Variants in PTBP2 observed in about 807,000 individuals in gnomAD.
PTBP2 encodes polypyrimidine tract binding protein 2, also known as polypyrimidine tract-binding protein 2.
PTBP2 carries 13 observed loss-of-function variants against 61.4 expected under a neutral mutation model. The observed-to-expected ratio is 0.21, with a 90% CI of 0.14 to 0.34. PTBP2 has a LOEUF of 0.34. Among genes scored for constraint, PTBP2 ranks in the 10% least tolerant of loss-of-function variants. The pLI is 1.00. For missense variants in PTBP2, 405 were observed against 642.6 expected, an observed-to-expected ratio of 0.63 and a Z score of 4.00; for synonymous variants, 215 against 218.5, an observed-to-expected ratio of 0.98 and a Z score of 0.14.
At chr1:96,733,187 G>C (rs1013865491) in intron 2 of PTBP2, among the ~76,000 whole-genome samples, 1 of 151,070 alleles carries the variant, frequency 6.6e-6, no homozygotes, top group Non-Finnish European at 1.5e-5. Context: ...GACATAACTC[G>C]GCTGTTAGCT....
chr1:96,770,986 T>C (rs1657311205), intron 5 of PTBP2, 135 bp downstream of exon 5: 1 of 709,710 alleles, frequency 1.4e-6, no homozygotes, highest in Non-Finnish European at 2.3e-6. Context: ...GGTATTTTCA[T>C]GCAGAATGTT....
intron 5 of PTBP2, chr1:96,771,497 CAT>C (rs1657376105): frequency 6.6e-6 from 1 of 151,868 alleles, no homozygotes; most frequent in African/African-American, 2.4e-5. Flanking sequence ...AACTGTTCCT[CAT>C]AGATTTTTGT....
chr1:96,784,396 G>A (rs12083632), intron 7 of PTBP2, among the ~76,000 whole-genome samples: 1 of 151,976 alleles, frequency 6.6e-6, no homozygotes, highest in Non-Finnish European at 1.5e-5. Context: ...TAAGATGACC[G>A]AAAAGAGTCT....
intron 8 of PTBP2, among the ~76,000 whole-genome samples, chr1:96,792,224 A>T (rs1659925775): frequency 6.6e-6 from 1 of 152,212 alleles, no homozygotes; most frequent in Non-Finnish European, 1.5e-5. Flanking sequence ...CCTAGGAGCC[A>T]AAAGTTTGAT....
At chr1:96,764,339 C>A (rs1395203100) in intron 3 of PTBP2, among the ~76,000 whole-genome samples, 2 of 152,160 alleles carry the variant, frequency 1.3e-5, no homozygotes, top group African/African-American at 4.8e-5. Context: ...TACAACTGTT[C>A]CTAAGTAGCA....
At chr1:96,808,640 A>G (rs181140183) in intron 11 of PTBP2, among the ~76,000 whole-genome samples, 180 of 152,284 alleles carry the variant, frequency 1.2e-3, no homozygotes, top group African/African-American at 4.1e-3. Flanking sequence ...TTTATAAGAT[A>G]TTGTCACTAA....
intron 1 of PTBP2, among the ~76,000 whole-genome samples, chr1:96,723,234 A>G (rs1286145489): frequency 6.6e-6 from 1 of 152,194 alleles, no homozygotes; most frequent in Non-Finnish European, 1.5e-5. Context: ...TCCTGTGGAG[A>G]CTACTAAAGA....
intron 1 of PTBP2, 59 bp downstream of exon 1, chr1:96,721,931 C>T: frequency 6.4e-6 from 10 of 1,554,560 alleles, no homozygotes; most frequent in Non-Finnish European, 8.7e-6. Flanking sequence ...CGTCCTTCGG[C>T]CCGGTCCCGG....
chr1:96,799,133 G>C (rs1027407609), intron 8 of PTBP2, among the ~76,000 whole-genome samples: 1 of 152,094 alleles, frequency 6.6e-6, no homozygotes, highest in Non-Finnish European at 1.5e-5. Context: ...GAGAATTTTA[G>C]GAGATTACTG....
At chr1:96,788,372 T>A (rs1038920061) in intron 8 of PTBP2, among the ~76,000 whole-genome samples, 2 of 152,144 alleles carry the variant, frequency 1.3e-5, no homozygotes, top group Non-Finnish European at 2.9e-5. Flanking sequence ...TTGTAGGACA[T>A]GAAGACACAA....
At chr1:96,763,071 C>A (rs1447113920) in intron 3 of PTBP2, among the ~76,000 whole-genome samples, 3 of 151,296 alleles carry the variant, frequency 2.0e-5, no homozygotes, top group Admixed American at 2.0e-4. Context: ...GGCGGCCGGG[C>A]AGAGACCTCC....
intron 2 of PTBP2, among the ~76,000 whole-genome samples, chr1:96,749,102 CTT>C (rs1231834427): frequency 6.6e-6 from 1 of 151,788 alleles, no homozygotes; most frequent in Non-Finnish European, 1.5e-5. Flanking sequence ...TAAATACAAA[CTT>C]AAAAAAAAAT....
At chr1:96,786,782 A>G (rs556355975) in intron 8 of PTBP2, among the ~76,000 whole-genome samples, 3 of 152,298 alleles carry the variant, frequency 2.0e-5, no homozygotes, top group African/African-American at 7.2e-5. Context: ...TAAAATACCA[A>G]GAAACTCCAG....
rs1039548264 is a variant in PTBP2, at chr1:96,797,204, T to TA, written c.905-7594dup. Among the ~76,000 whole-genome samples the TA allele has an allele frequency of 1.3e-4, 20 of 152,164 alleles. 1 individual carries two copies. Among genetic ancestry groups the TA allele is most frequent in the African/African-American group, 4.6e-4 (19 of 41,438 alleles). On this transcript the variant is annotated intron_variant, in intron 8 of 13. Transcript: ENST00000674951. ...TGGTGGTGGAACAGCAGTTTGAAAG[T>TA]AACATTGTGCGGTGAGGTAGAGTGG... is the stretch of plus-strand genomic sequence containing the variant.
intron 8 of PTBP2, among the ~76,000 whole-genome samples, chr1:96,803,006 G>A (rs1039045501): frequency 6.6e-5 from 10 of 152,146 alleles, no homozygotes; most frequent in African/African-American, 2.4e-4. Flanking sequence ...GTTTGCCTAG[G>A]AATTAGGAAT....
chr1:96,736,162 T>A (rs1489400305), intron 2 of PTBP2, among the ~76,000 whole-genome samples: 1 of 152,190 alleles, frequency 6.6e-6, no homozygotes, highest in Non-Finnish European at 1.5e-5. Flanking sequence ...CACGTCATTC[T>A]GCCTCCAAAA....
At chr1:96,736,725 C>T (rs1652243673) in intron 2 of PTBP2, among the ~76,000 whole-genome samples, 1 of 152,270 alleles carries the variant, frequency 6.6e-6, no homozygotes, top group East Asian at 1.9e-4. Flanking sequence ...GCTCTGTCCA[C>T]CAGGCTGGAG....
intron 2 of PTBP2, among the ~76,000 whole-genome samples, chr1:96,745,232 G>A (rs796300997): frequency 6.6e-6 from 1 of 151,162 alleles, no homozygotes; most frequent in East Asian, 1.9e-4. Flanking sequence ...GTGTCATCTC[G>A]GCTCACAGCA....
intron 8 of PTBP2, among the ~76,000 whole-genome samples, chr1:96,790,270 T>C (rs79957618): frequency 6.9e-6 from 1 of 143,892 alleles, no homozygotes; most frequent in Non-Finnish European, 1.5e-5. Context: ...ATTTAGAGCC[T>C]TTTTTTTTTT....
Sources: gnomAD v4.1 joint callset for allele counts (sites outside exome capture counted in the v4.1 genomes callset) on GRCh38, gnomAD v4.1.1 for gene constraint, MANE v1.5 for transcripts, NCBI Gene and HGNC (gene_info 2026-07-23, HGNC 2026-07-21) for gene names.